The following SUZ12 variants were observed in gnomAD, a reference collection of about 807,000 sequenced individuals.
SUZ12 encodes SUZ12 polycomb repressive complex 2 subunit, also known as polycomb protein SUZ12.
A neutral mutation model predicts 87.3 loss-of-function variants in SUZ12; 17 were observed. That is an observed-to-expected ratio of 0.19 (90% CI 0.13 to 0.29). SUZ12 has a LOEUF of 0.29. Among genes scored for constraint, SUZ12 ranks in the 10% least tolerant of loss-of-function variants. The pLI, the probability that SUZ12 is intolerant of heterozygous loss-of-function variation, is 1.00. For synonymous variants in SUZ12, 253 were observed against 312.4 expected (o/e 0.81, Z 2.01); for missense variants, 526 against 912.2 (o/e 0.58, Z 5.45).
chr17:31,965,303 A>G (rs934535446), intron 4 of SUZ12, among the ~76,000 whole-genome samples: 1 of 152,134 alleles, frequency 6.6e-6, no homozygotes, highest in Non-Finnish European at 1.5e-5. Context: ...ATGTCACACT[A>G]TGGAAACTAT....
At chr17:31,961,068 C>T (rs1567820561) in intron 4 of SUZ12, among the ~76,000 whole-genome samples, 1 of 152,022 alleles carries the variant, frequency 6.6e-6, no homozygotes, top group Non-Finnish European at 1.5e-5. Flanking sequence ...AAAAAATAAA[C>T]TGGGCATGGC....
At chr17:31,945,236 TTCTCAAAA>T (rs1276840785) in intron 3 of SUZ12, among the ~76,000 whole-genome samples, 5 of 152,160 alleles carry the variant, frequency 3.3e-5, no homozygotes, top group Non-Finnish European at 7.4e-5. Flanking sequence ...TGATTGTCGT[TTCTCAAAA>T]TGTTTTCAGA....
chr17:31,950,376 A>G (rs1444569483), intron 4 of SUZ12, among the ~76,000 whole-genome samples: 6 of 152,200 alleles, frequency 3.9e-5, no homozygotes, highest in African/African-American at 4.8e-5. Flanking sequence ...TCTAAAATCT[A>G]TTGTCAAATT....
intron 4 of SUZ12, among the ~76,000 whole-genome samples, chr17:31,948,869 G>A (rs927904131): frequency 2.6e-5 from 4 of 152,174 alleles, no homozygotes; most frequent in South Asian, 2.1e-4. Context: ...GAGAATATTC[G>A]CAGTGCACGC....
chr17:31,974,224 G>A (rs28758187), intron 6 of SUZ12, among the ~76,000 whole-genome samples: 7,411 of 151,572 alleles, frequency 0.049, 580 homozygotes, highest in African/African-American at 0.17. Flanking sequence ...AAAAAAAAAT[G>A]TATGTAAAGT....
At chr17:31,939,481 T>C (rs1444008208) in intron 1 of SUZ12, among the ~76,000 whole-genome samples, 1 of 151,848 alleles carries the variant, frequency 6.6e-6, no homozygotes, top group Non-Finnish European at 1.5e-5. Context: ...TGTCATCATA[T>C]CTGTATTAGG....
At chr17:31,986,016 T>TG (rs1909397269) in intron 9 of SUZ12, among the ~76,000 whole-genome samples, 1 of 151,632 alleles carries the variant, frequency 6.6e-6, no homozygotes, top group Non-Finnish European at 1.5e-5. Flanking sequence ...CACCCAGAGG[T>TG]GGAGTGCAAT....
chr17:31,983,767 A>T (rs1202123175), intron 9 of SUZ12, among the ~76,000 whole-genome samples: 1 of 152,236 alleles, frequency 6.6e-6, no homozygotes, highest in Non-Finnish European at 1.5e-5. Flanking sequence ...TAAGTGCTCA[A>T]TAAATGTTAA....
At chr17:31,990,020 TCTCAGCTCACTGCAAG>T (rs769737254) in intron 10 of SUZ12, among the ~76,000 whole-genome samples, 10 of 151,284 alleles carry the variant, frequency 6.6e-5, no homozygotes, top group Non-Finnish European at 1.3e-4. Flanking sequence ...AGTGGTGCGA[TCTCAGCTCACTGCAAG>T]CTCCACCTCC....
intron 4 of SUZ12, among the ~76,000 whole-genome samples, chr17:31,960,399 T>C (rs1333746722): frequency 2.6e-5 from 4 of 151,916 alleles, no homozygotes; most frequent in Admixed American, 6.6e-5. Flanking sequence ...TTAGTAGAGA[T>C]GAGGTTTCAC....
Position 31,995,692 on chromosome 17 carries a change from G to A in SUZ12, c.1724G>A (p.Arg575His). Residue 575 changes from arginine (R) to histidine (H), a missense_variant, in exon 14 of 16, where the codon CGT becomes CAT. Physicochemically the swap from Arg to His is conservative, Grantham distance 29 (BLOSUM62 0). Around this residue, in one of 9 missense-constraint regions of SUZ12, gnomAD observed 143 missense variants for 321.6 expected, o/e 0.44. Coordinates refer to ENST00000322652, the MANE Select transcript of SUZ12 (RefSeq NM_015355.4). ...CATAGTGATACCTGCTTACCTCTCC[G>A]TCCACAAGAAATGGAAGTAGATAGT... Reference protein sequence around the residue: ...YFHSDTCLPLRPQEMEVDSED... With the variant: ...YFHSDTCLPLHPQEMEVDSED... 1.9e-6 allele frequency: 3 copies of A among 1,613,910 alleles called. No individual in the cohort carries two copies. Among genetic ancestry groups the A allele is most frequent in the Non-Finnish European group, 8.5e-7 (1 of 1,179,930 alleles).
chr17:31,977,146 T>C (rs1432349331), intron 8 of SUZ12, among the ~76,000 whole-genome samples: 4 of 152,314 alleles, frequency 2.6e-5, no homozygotes, highest in East Asian at 3.9e-4. Flanking sequence ...CATGGTGGTA[T>C]GTACCTGTAG....
intron 9 of SUZ12, 134 bp downstream of exon 9, chr17:31,983,238 A>G (rs1909212822): frequency 3.7e-6 from 3 of 800,278 alleles, no homozygotes. Context: ...ACACAAGTAA[A>G]TGATCTAGTC....
intron 4 of SUZ12, among the ~76,000 whole-genome samples, chr17:31,950,018 G>A (rs1415963180): frequency 2.6e-5 from 4 of 151,844 alleles, no homozygotes; most frequent in South Asian, 4.2e-4. Flanking sequence ...ATTTTGAAAC[G>A]GAGGTTTGCT....
chr17:31,942,368 T>C (rs1457895094), intron 3 of SUZ12, among the ~76,000 whole-genome samples: 1 of 151,856 alleles, frequency 6.6e-6, no homozygotes, highest in Non-Finnish European at 1.5e-5. Context: ...AGAGTTTCAC[T>C]CTTGTTGCCC....
intron 9 of SUZ12, among the ~76,000 whole-genome samples, chr17:31,987,058 T>G (rs1006767777): frequency 8.2e-5 from 12 of 145,828 alleles, no homozygotes; most frequent in African/African-American, 2.6e-4. Context: ...GGTTTTTTTG[T>G]TTTTTTGTTT....
chr17:31,994,780 AAC>A, intron 13 of SUZ12, 59 bp downstream of exon 13: 1 of 1,553,432 alleles, frequency 6.4e-7, no homozygotes, highest in Admixed American at 1.9e-5. Context: ...ATGTTGGAGG[AAC>A]AAAGGAGCCA....
chr17:31,963,378 C>T (rs546620749), intron 4 of SUZ12, among the ~76,000 whole-genome samples: 3 of 152,200 alleles, frequency 2.0e-5, no homozygotes, highest in Admixed American at 6.5e-5. Context: ...CTCCTGACCT[C>T]GTGATCCACC....
chr17:31,996,064 G>A (rs1158314698), intron 14 of SUZ12, among the ~76,000 whole-genome samples: 1 of 152,070 alleles, frequency 6.6e-6, no homozygotes, highest in Non-Finnish European at 1.5e-5. Flanking sequence ...CAAAAAATTA[G>A]CCAGGCATGG....
Sources: allele counts gnomAD v4.1 joint callset (sites outside exome capture counted in the v4.1 genomes callset), GRCh38; gene constraint gnomAD v4.1.1; regional missense constraint gnomAD v4.1.1; transcripts MANE v1.5; gene names NCBI Gene and HGNC (gene_info 2026-07-23, HGNC 2026-07-21).